The following RGS6 variants were observed in gnomAD, a reference collection of about 807,000 sequenced individuals.
RGS6 encodes the protein regulator of G-protein signaling 6.
In RGS6, 30 loss-of-function variants were observed where a neutral mutation model predicts 78.5. The observed-to-expected ratio is 0.38, with a 90% confidence interval of 0.29 to 0.52. The LOEUF (loss-of-function observed/expected upper bound fraction) is 0.52, where lower values mean the gene tolerates loss of function less well. Among genes scored for constraint, RGS6 ranks in the 20% least tolerant of loss-of-function variants. The pLI is 0.85. For synonymous variants in RGS6, 206 were observed against 206.0 expected (o/e 1.00, Z 0.00); for missense variants, 495 against 609.7 (o/e 0.81, Z 1.98).
At chr14:72,560,834 G>GGGGAGAAAAAA (rs2097664983) in intron 17 of RGS6, among the ~76,000 whole-genome samples, 1 of 140,440 alleles carries the variant, frequency 7.1e-6, no homozygotes, top group African/African-American at 2.9e-5. Flanking sequence ...GTGTGTGTGT[G>GGGGAGAAAAAA]TGTGTTTAAG....
At chr14:72,528,440 T>C (rs1022529005) in intron 15 of RGS6, among the ~76,000 whole-genome samples, 1 of 152,190 alleles carries the variant, frequency 6.6e-6, no homozygotes, top group Non-Finnish European at 1.5e-5. Flanking sequence ...CTCCCACTGC[T>C]GAGGACTCTG....
intron 2 of RGS6, among the ~76,000 whole-genome samples, chr14:72,022,790 A>C (rs2108710): frequency 8.5e-5 from 13 of 152,062 alleles, no homozygotes; most frequent in Non-Finnish European, 1.9e-4. Context: ...AATATTTGAG[A>C]TCTTTCATGC....
chr14:72,150,671 A>G (rs927285048), intron 2 of RGS6, among the ~76,000 whole-genome samples: 3 of 152,048 alleles, frequency 2.0e-5, no homozygotes, highest in Non-Finnish European at 4.4e-5. Flanking sequence ...GCGAGGTGCT[A>G]CATACTTCTA....
At chr14:72,459,530 A>T in intron 5 of RGS6, 102 bp from the exon 6 acceptor site, 1 of 1,031,404 alleles carries the variant, frequency 9.7e-7, no homozygotes, top group South Asian at 1.3e-5. Flanking sequence ...AGCAAGAAGG[A>T]GATGGGGGAG....
chr14:72,548,342 T>TGTGTGTGTGTGCGCGC (rs796698263), intron 17 of RGS6, among the ~76,000 whole-genome samples: 3,197 of 134,796 alleles, frequency 0.024, 52 homozygotes, highest in East Asian at 0.088. Context: ...TGTGTGTGTG[T>TGTGTGTGTGTGCGCGC]GCGCGCGTGT....
chr14:71,889,585 C>G, the RGS6 span, among the ~76,000 whole-genome samples: 1 of 152,108 alleles, frequency 6.6e-6, no homozygotes, highest in Non-Finnish European at 1.5e-5. Flanking sequence ...ACTGCTTCGT[C>G]AGAGAGGGGA....
rs776497689 is a variant in RGS6, at chr14:72,458,353, T to C, written c.318T>C (p.Asp106=). Residue 106 remains aspartate (D), a synonymous_variant, in exon 5 of 18, where the codon GAT becomes GAC. Coordinates refer to ENST00000553525, the MANE Select transcript of RGS6 (RefSeq NM_001204424.2). The part of the protein sequence containing the change: ...PISDHVLTMK[D]DGTFYRFQAP... ...CAGACCATGTTCTCACCATGAAGGATGATGGCACCTTTTATCGTTTCCAGG... is the reference window on the plus strand; with the variant it reads ...CAGACCATGTTCTCACCATGAAGGACGATGGCACCTTTTATCGTTTCCAGG... 1.2e-6 allele frequency: 2 copies of C among 1,614,184 alleles called. No homozygotes were observed. Among genetic ancestry groups the C allele is most frequent in the South Asian group, 1.1e-5 (1 of 91,072 alleles).
At chr14:72,486,755 C>T (rs2096494390) in intron 12 of RGS6, among the ~76,000 whole-genome samples, 1 of 152,170 alleles carries the variant, frequency 6.6e-6, no homozygotes, top group Non-Finnish European at 1.5e-5. Context: ...TTTCCTGTGT[C>T]CCACCTTGGA....
the RGS6 span, among the ~76,000 whole-genome samples, chr14:71,925,804 C>T: frequency 4.3e-4 from 64 of 149,258 alleles, no homozygotes; most frequent in Admixed American, 9.4e-4. Flanking sequence ...ATGCCAGTAT[C>T]ACACTGTCTT....
the RGS6 span, among the ~76,000 whole-genome samples, chr14:71,894,050 T>C: frequency 6.6e-6 from 1 of 152,210 alleles, no homozygotes; most frequent in Non-Finnish European, 1.5e-5. Context: ...TCCTGGACCT[T>C]TGACCCATAG....
At chr14:72,058,668 C>G (rs551407050) in intron 2 of RGS6, among the ~76,000 whole-genome samples, 1 of 152,020 alleles carries the variant, frequency 6.6e-6, no homozygotes, top group Non-Finnish European at 1.5e-5. Flanking sequence ...AGTGAATGGC[C>G]CTGAAATTGT....
intron 2 of RGS6, among the ~76,000 whole-genome samples, chr14:72,145,973 T>A (rs749207812): frequency 9.2e-5 from 14 of 152,224 alleles, no homozygotes; most frequent in Non-Finnish European, 1.5e-4. Flanking sequence ...CTCTGTTACC[T>A]GAGACTGAGT....
At chr14:72,251,211 A>G (rs1368303850) in intron 2 of RGS6, among the ~76,000 whole-genome samples, 1 of 152,234 alleles carries the variant, frequency 6.6e-6, no homozygotes, top group Admixed American at 6.5e-5. Context: ...TTTTATGCAG[A>G]TAAAGTTTCT....
At chr14:72,411,197 C>T (rs1334879896) in intron 3 of RGS6, among the ~76,000 whole-genome samples, 2 of 152,182 alleles carry the variant, frequency 1.3e-5, no homozygotes, top group Non-Finnish European at 2.9e-5. Context: ...TCTTCCTACC[C>T]ATGAGCATGG....
At chr14:71,910,019 C>T in the RGS6 span, among the ~76,000 whole-genome samples, 1 of 152,072 alleles carries the variant, frequency 6.6e-6, no homozygotes, top group African/African-American at 2.4e-5. Flanking sequence ...GAAACACTAT[C>T]TCTACTAAAA....
At chr14:72,024,298 T>C (rs6574039) in intron 2 of RGS6, among the ~76,000 whole-genome samples, 118,341 of 152,110 alleles carry the variant, frequency 0.78, 46,639 homozygotes, top group South Asian at 0.89. Context: ...TCACAATTTC[T>C]TGTTCCTAAC....
intron 2 of RGS6, among the ~76,000 whole-genome samples, chr14:72,020,778 A>T (rs1302206175): frequency 1.3e-5 from 2 of 152,222 alleles, no homozygotes; most frequent in African/African-American, 4.8e-5. Context: ...AATAAACCAC[A>T]CAAAGACCAT....
intron 2 of RGS6, among the ~76,000 whole-genome samples, chr14:72,131,346 G>A (rs1458305254): frequency 6.6e-6 from 1 of 152,134 alleles, no homozygotes; most frequent in African/African-American, 2.4e-5. Context: ...GGATACTTAA[G>A]GAAAATTATC....
chr14:72,547,382 C>CG (rs1555467002), intron 17 of RGS6: 708 of 1,389,368 alleles, frequency 5.1e-4, no homozygotes, highest in East Asian at 3.5e-3. Flanking sequence ...GACCCCCCCC[C>CG]GACCCATGGA....
Sources: allele counts gnomAD v4.1 joint callset (sites outside exome capture counted in the v4.1 genomes callset), GRCh38; gene constraint gnomAD v4.1.1; transcripts MANE v1.5; gene names NCBI Gene and HGNC (gene_info 2026-07-23, HGNC 2026-07-21).